CNTNAP5: variants seen among roughly 807,000 people sequenced by gnomAD.
CNTNAP5 encodes contactin-associated protein-like 5.
A neutral mutation model predicts 150.2 loss-of-function variants in CNTNAP5; 72 were observed. The observed-to-expected ratio is 0.48, with a 90% CI of 0.40 to 0.58. The LOEUF is 0.58. CNTNAP5 is among the 20% of genes least tolerant of loss of function. The pLI, the probability that CNTNAP5 is intolerant of heterozygous loss-of-function variation, is 0.00. For synonymous variants in CNTNAP5, 672 were observed against 619.8 expected, an observed-to-expected ratio of 1.08 and a Z score of -1.25; for missense variants, 1,636 against 1,626.2, an observed-to-expected ratio of 1.01 and a Z score of -0.10.
intron 1 of CNTNAP5, among the ~76,000 whole-genome samples, chr2:124,108,333 AT>A (rs751246697): frequency 3.5e-4 from 53 of 152,190 alleles, no homozygotes; most frequent in Non-Finnish European, 5.7e-4. Flanking sequence ...CTGTCACCTG[AT>A]CTTATTTTAT....
At chr2:124,663,898 T>C (rs1678644556) in intron 13 of CNTNAP5, among the ~76,000 whole-genome samples, 1 of 152,158 alleles carries the variant, frequency 6.6e-6, no homozygotes, top group African/African-American at 2.4e-5. Context: ...GAGTTGGCAA[T>C]TTCTTGGCAG....
At chr2:124,728,111 A>G (rs1573577285) in intron 13 of CNTNAP5, among the ~76,000 whole-genome samples, 1 of 152,102 alleles carries the variant, frequency 6.6e-6, no homozygotes, top group South Asian at 2.1e-4. Context: ...ACATTTATTG[A>G]TTTGTATATG....
intron 8 of CNTNAP5, among the ~76,000 whole-genome samples, chr2:124,507,800 A>G (rs540953434): frequency 2.6e-5 from 4 of 152,214 alleles, no homozygotes; most frequent in African/African-American, 9.6e-5. Context: ...AAATATGTCA[A>G]AGAAGTACAT....
At position 124,917,851 on chromosome 2, in the gene CNTNAP5, C is replaced by T. The variant is rs528696846; in HGVS notation, c.*3563C>T. On this transcript the variant is annotated 3_prime_UTR_variant, in exon 24 of 24. Transcript: ENST00000682447. ...GCCACACATAAAGTGTCCTAGAATG[C>T]AGCACAAGGTCCCGCACAATTATTT... Among the ~76,000 whole-genome samples the T allele has an allele frequency of 6.6e-6, 1 of 152,164 alleles. No individual in the cohort carries two copies. Among genetic ancestry groups the T allele is most frequent in the Admixed American group, 6.6e-5 (1 of 15,250 alleles).
chr2:124,664,755 T>C (rs767980588), intron 13 of CNTNAP5, among the ~76,000 whole-genome samples: 111 of 152,202 alleles, frequency 7.3e-4, no homozygotes, highest in Non-Finnish European at 6.5e-4. Flanking sequence ...GGCGCAATCT[T>C]GTCTCACTGC....
chr2:124,453,655 G>A (rs1361173061), intron 6 of CNTNAP5, among the ~76,000 whole-genome samples: 1 of 152,076 alleles, frequency 6.6e-6, no homozygotes, highest in East Asian at 1.9e-4. Flanking sequence ...AACCTACAAA[G>A]GAAAACCTAT....
intron 3 of CNTNAP5, among the ~76,000 whole-genome samples, chr2:124,245,635 G>T (rs555314879): frequency 6.7e-6 from 1 of 150,230 alleles, no homozygotes; most frequent in African/African-American, 2.5e-5. Context: ...ATATATATGT[G>T]TGTGTTTGTG....
chr2:124,119,355 C>G (rs1233443590), intron 1 of CNTNAP5, among the ~76,000 whole-genome samples: 1 of 102,378 alleles, frequency 9.8e-6, no homozygotes, highest in African/African-American at 3.2e-5. Flanking sequence ...TTCTTAAGAG[C>G]AGGAAGCTTT....
chr2:124,150,660 A>G, intron 1 of CNTNAP5, among the ~76,000 whole-genome samples: 1 of 151,848 alleles, frequency 6.6e-6, no homozygotes, highest in African/African-American at 2.4e-5. Flanking sequence ...AGAAAGAAAG[A>G]GAAAAAGAAA....
chr2:124,555,913 C>T (rs538609960), intron 10 of CNTNAP5, among the ~76,000 whole-genome samples: 7 of 152,240 alleles, frequency 4.6e-5, no homozygotes, highest in East Asian at 1.9e-4. Context: ...ATTGTGCAAA[C>T]GTACATATTT....
chr2:124,615,169 G>C lies in CNTNAP5; in HGVS notation c.1876+5249G>C, dbSNP rs926527939. 4.6e-5 allele frequency among the ~76,000 whole-genome samples: 7 copies of C among 152,096 alleles called. No homozygotes were observed. The East Asian group carries it at 1.3e-3, about 29-fold the overall frequency. ...GTTGCTGAAGGTTGGGGTGGCTGCG[G>C]CAATTTCTTAAAATAAGACTACAAT... On this transcript the variant is annotated intron_variant, in intron 12 of 23. Coordinates refer to ENST00000682447, the MANE Select transcript of CNTNAP5 (RefSeq NM_001367498.1).
At chr2:124,467,202 T>G (rs965929522) in intron 6 of CNTNAP5, among the ~76,000 whole-genome samples, 7 of 152,304 alleles carry the variant, frequency 4.6e-5, no homozygotes, top group African/African-American at 1.7e-4. Context: ...TGCCCTTATG[T>G]GAGTACCTGT....
chr2:124,747,922 C>A (rs1680644677), intron 14 of CNTNAP5, among the ~76,000 whole-genome samples: 1 of 150,916 alleles, frequency 6.6e-6, no homozygotes, highest in Non-Finnish European at 1.5e-5. Flanking sequence ...CAGGCATGAG[C>A]CACCGCACTT....
intron 11 of CNTNAP5, among the ~76,000 whole-genome samples, chr2:124,585,246 AG>A (rs1461349388): frequency 6.6e-6 from 1 of 152,150 alleles, no homozygotes; most frequent in Non-Finnish European, 1.5e-5. Flanking sequence ...TTCAGCTGAT[AG>A]AGAGAGAAGA....
intron 3 of CNTNAP5, among the ~76,000 whole-genome samples, chr2:124,333,744 A>G (rs1689406018): frequency 6.6e-6 from 1 of 152,182 alleles, no homozygotes; most frequent in African/African-American, 2.4e-5. Flanking sequence ...AACAAATAGG[A>G]CCAACAAAGA....
intron 1 of CNTNAP5, among the ~76,000 whole-genome samples, chr2:124,098,037 A>T (rs1682980467): frequency 6.6e-6 from 1 of 152,138 alleles, no homozygotes. Context: ...CAAAAAAAAT[A>T]AATAAATAGA....
At chr2:124,439,322 G>GA (rs1248606153) in intron 5 of CNTNAP5, among the ~76,000 whole-genome samples, 3 of 152,142 alleles carry the variant, frequency 2.0e-5, no homozygotes, top group Non-Finnish European at 4.4e-5. Context: ...TTCTGCACTG[G>GA]GGGTTAAAAG....
intron 7 of CNTNAP5, among the ~76,000 whole-genome samples, chr2:124,475,752 T>G (rs1041848506): frequency 2.6e-5 from 4 of 152,146 alleles, no homozygotes; most frequent in Non-Finnish European, 4.4e-5. Context: ...TTTCCCATCC[T>G]TTTGCTCTTA....
intron 12 of CNTNAP5, among the ~76,000 whole-genome samples, chr2:124,629,936 C>CAAA (rs70996084): frequency 1.1e-3 from 76 of 67,754 alleles, no homozygotes; most frequent in African/African-American, 2.9e-3. Context: ...CACCTCTATG[C>CAAA]AAAAAAAAAA....
Sources: allele counts gnomAD v4.1 joint callset (sites outside exome capture counted in the v4.1 genomes callset), GRCh38; gene constraint gnomAD v4.1.1; transcripts MANE v1.5; gene names NCBI Gene and HGNC (gene_info 2026-07-23, HGNC 2026-07-21).